The following IL1RAPL1 variants were observed in gnomAD, a reference collection of about 807,000 sequenced individuals.
IL1RAPL1 encodes the protein interleukin-1 receptor accessory protein-like 1.
A neutral mutation model predicts 48.4 loss-of-function variants in IL1RAPL1; 3 were observed. The observed-to-expected ratio is 0.06, with a 90% CI of 0.03 to 0.16. IL1RAPL1 has a LOEUF of 0.16. Among genes scored for constraint, IL1RAPL1 ranks in the 10% least tolerant of loss-of-function variants. IL1RAPL1 has a pLI of 1.00. For missense variants in IL1RAPL1, 349 were observed against 530.6 expected, an observed-to-expected ratio of 0.66 and a Z score of 3.36; for synonymous variants, 185 against 187.7, an observed-to-expected ratio of 0.99 and a Z score of 0.12.
chrX:28,969,948 C>CAT (rs748515693), intron 2 of IL1RAPL1, among the ~76,000 whole-genome samples: 1 of 110,183 alleles, frequency 9.1e-6, no homozygotes, highest in Admixed American at 9.6e-5. Context: ...TTTCTAAACA[C>CAT]ATATATATGT....
intron 3 of IL1RAPL1, among the ~76,000 whole-genome samples, chrX:29,375,593 T>C (rs1467828824): frequency 9.0e-6 from 1 of 111,719 alleles, no homozygotes; most frequent in Non-Finnish European, 1.9e-5. Context: ...TCTGCAAACC[T>C]AAGGAAACGA....
At position 28,903,150 on chromosome X, in the gene IL1RAPL1, T is replaced by C. The variant is rs146673170; in HGVS notation, c.82+113725T>C. 0.012 allele frequency among the ~76,000 whole-genome samples: 1,366 copies of C among 110,812 alleles called. 20 individuals are homozygous for C. The highest frequency in any genetic ancestry group is 0.043 in the African/African-American group (1,296 of 30,444). ...TGTTTGTTTTTTTGAGATGGAGTCT[T>C]GTTCTGTCACCCAGGCTGGAGTGTA... is the stretch of plus-strand genomic sequence containing the variant. On this transcript the variant is annotated intron_variant, in intron 2 of 10. Transcript: ENST00000378993.
chrX:29,588,916 T>C (rs1309118082), intron 5 of IL1RAPL1, among the ~76,000 whole-genome samples: 1 of 112,046 alleles, frequency 8.9e-6, no homozygotes, highest in Non-Finnish European at 1.9e-5. Context: ...TCTATGTTAT[T>C]TGGAGCAAGC....
At chrX:28,712,116 T>TGAATTGCTG (rs1323393909) in intron 1 of IL1RAPL1, among the ~76,000 whole-genome samples, 2 of 111,258 alleles carry the variant, frequency 1.8e-5, no homozygotes, top group Non-Finnish European at 3.8e-5. Context: ...GAAAGTCTGA[T>TGAATTGCTG]GAATTGCTGG....
At chrX:29,389,133 G>A (rs1933821896) in intron 3 of IL1RAPL1, among the ~76,000 whole-genome samples, 1 of 110,584 alleles carries the variant, frequency 9.0e-6, no homozygotes, top group Non-Finnish European at 1.9e-5. Context: ...GAGGCAGGTG[G>A]ATCACGAGGT....
intron 2 of IL1RAPL1, among the ~76,000 whole-genome samples, chrX:29,134,615 G>A (rs960434085): frequency 1.8e-5 from 2 of 111,046 alleles, no homozygotes; most frequent in African/African-American, 6.5e-5. Flanking sequence ...TGTTATTCCT[G>A]CACTCAGTTT....
At chrX:28,897,101 C>A (rs776470913) in intron 2 of IL1RAPL1, among the ~76,000 whole-genome samples, 27 of 109,504 alleles carry the variant, frequency 2.5e-4, no homozygotes, top group African/African-American at 9.0e-4. Context: ...TGGAAGGTTG[C>A]CCATAGTGAA....
intron 5 of IL1RAPL1, among the ~76,000 whole-genome samples, chrX:29,405,150 G>A (rs1934041452): frequency 1.8e-5 from 2 of 110,029 alleles, no homozygotes; most frequent in South Asian, 7.8e-4. Context: ...CTGACCTTGT[G>A]ATCCGCCCAC....
chrX:29,384,541 A>G (rs1473602235), intron 3 of IL1RAPL1, among the ~76,000 whole-genome samples: 6 of 112,019 alleles, frequency 5.4e-5, no homozygotes. Flanking sequence ...TAAATATAAA[A>G]CTGAGTGTAT....
chrX:29,379,033 C>A (rs1389987698), intron 3 of IL1RAPL1, among the ~76,000 whole-genome samples: 1 of 112,410 alleles, frequency 8.9e-6, no homozygotes, highest in African/African-American at 3.2e-5. Flanking sequence ...GCTCCTCCCC[C>A]ACTAGAGTGT....
intron 2 of IL1RAPL1, among the ~76,000 whole-genome samples, chrX:29,025,239 C>A (rs1298341573): frequency 1.8e-5 from 2 of 111,879 alleles, no homozygotes; most frequent in Non-Finnish European, 3.8e-5. Context: ...ATTTTGTGGC[C>A]ATTGTGAATA....
intron 2 of IL1RAPL1, among the ~76,000 whole-genome samples, chrX:28,836,932 G>GT (rs1408713880): frequency 1.9e-4 from 21 of 109,463 alleles, no homozygotes; most frequent in African/African-American, 6.0e-4. Flanking sequence ...AAAAATCTGG[G>GT]TTTTTTAAAA....
intron 5 of IL1RAPL1, among the ~76,000 whole-genome samples, chrX:29,580,208 A>G (rs1480454973): frequency 9.2e-6 from 1 of 108,976 alleles, no homozygotes; most frequent in South Asian, 3.9e-4. Context: ...CTAAATTAAT[A>G]GTCTTTAATA....
At chrX:29,641,983 T>G (rs1169903009) in intron 5 of IL1RAPL1, among the ~76,000 whole-genome samples, 1 of 112,261 alleles carries the variant, frequency 8.9e-6, no homozygotes, top group African/African-American at 3.2e-5. Context: ...CTTGGTGCCA[T>G]AGTGACAGTG....
At chrX:28,723,307 C>T (rs1317850707) in intron 1 of IL1RAPL1, among the ~76,000 whole-genome samples, 1 of 110,678 alleles carries the variant, frequency 9.0e-6, no homozygotes, top group Non-Finnish European at 1.9e-5. Flanking sequence ...CAACTTCTTC[C>T]TGGTTTAGTC....
chrX:29,397,448 A>G (rs899060547), intron 4 of IL1RAPL1, among the ~76,000 whole-genome samples: 3 of 112,330 alleles, frequency 2.7e-5, no homozygotes, highest in East Asian at 5.6e-4. Context: ...TGATAATGTG[A>G]AATTGTGGGT....
chrX:29,003,338 G>A (rs1355706369), intron 2 of IL1RAPL1, among the ~76,000 whole-genome samples: 1 of 111,563 alleles, frequency 9.0e-6, no homozygotes, highest in African/African-American at 3.3e-5. Flanking sequence ...TTTTAATGAG[G>A]GGAGGGACAT....
chrX:28,715,186 A>G (rs1033687984), intron 1 of IL1RAPL1, among the ~76,000 whole-genome samples: 1 of 112,549 alleles, frequency 8.9e-6, no homozygotes, highest in African/African-American at 3.2e-5. Context: ...CTGAAACCAT[A>G]TAAAACAGTC....
chrX:28,883,721 A>C, intron 2 of IL1RAPL1, among the ~76,000 whole-genome samples: 1 of 112,493 alleles, frequency 8.9e-6, no homozygotes, highest in Non-Finnish European at 1.9e-5. Context: ...TTTAGCATAT[A>C]AAAATTTATT....
Sources: allele counts gnomAD v4.1 joint callset (sites outside exome capture counted in the v4.1 genomes callset), GRCh38; gene constraint gnomAD v4.1.1; transcripts MANE v1.5; gene names NCBI Gene and HGNC (gene_info 2026-07-23, HGNC 2026-07-21).